CACNA2D4: variants seen among roughly 807,000 people sequenced by gnomAD.
CACNA2D4 encodes calcium voltage-gated channel auxiliary subunit alpha2delta 4, also known as voltage-dependent calcium channel subunit alpha-2/delta-4.
Under a neutral mutation model 163.8 loss-of-function variants are expected in CACNA2D4, and 157 were observed. The ratio of observed to expected loss-of-function variants is 0.96; its 90% CI spans 0.84 to 1.09. The LOEUF is 1.09. Ranked by LOEUF, CACNA2D4 falls within the 50% of genes least tolerant of loss-of-function variation. The probability of loss-of-function intolerance (pLI) is 0.00; values close to 1 mark genes in which losing one functional copy is unlikely to be tolerated. For synonymous variants in CACNA2D4, 598 were observed against 586.9 expected, an observed-to-expected ratio of 1.02 and a Z score of -0.27; for missense variants, 1,410 against 1,479.9, an observed-to-expected ratio of 0.95 and a Z score of 0.78.
intron 13 of CACNA2D4, among the ~76,000 whole-genome samples, chr12:1,880,895 G>C (rs551363193): frequency 7.9e-4 from 121 of 152,336 alleles, no homozygotes; most frequent in Middle Eastern, 3.4e-3. Flanking sequence ...GGCTCCCAGA[G>C]AGCAGCTCCC....
chr12:1,802,695 G>C lies in CACNA2D4; in HGVS notation c.2722-1051C>G, dbSNP rs919760690. On this transcript the variant is annotated intron_variant, in intron 29 of 37. Coordinates refer to ENST00000382722, the MANE Select transcript of CACNA2D4 (RefSeq NM_172364.5). The surrounding 1 kb of genome is among the most constrained non-coding windows in gnomAD (Gnocchi z 4.7). The stretch of plus-strand genomic sequence containing the variant: ...AAATACTTGAAAAATGGCAGCCATC[G>C]TTAGGAGGAGAGGTCCGGGGTCCGG... 6.6e-6 allele frequency among the ~76,000 whole-genome samples: 1 copy of C among 152,244 alleles called. No individual in the cohort carries two copies. Among genetic ancestry groups the C allele is most frequent in the Non-Finnish European group, 1.5e-5 (1 of 68,046 alleles).
Position 1,883,713 on chromosome 12 carries a change from T to C in CACNA2D4, c.1351+530A>G, listed in dbSNP as rs1449580053. ...GCCTCCCCCATGGCCCCCGGCACCC[T>C]GAACAGTCTGTGTCTCTCCACCATC... On this transcript the variant is annotated intron_variant, in intron 12 of 37. Transcript: ENST00000382722. The surrounding 1 kb of genome is among the most constrained non-coding windows in gnomAD (Gnocchi z 4.5). Among the ~76,000 whole-genome samples, 4 of 152,166 alleles carry C rather than the reference T, an allele frequency of 2.6e-5. No individual in the cohort carries two copies. In the East Asian group the frequency reaches 5.8e-4, roughly 22 times the overall value.
rs368528577 is a variant in CACNA2D4 at position 1,795,402 on chromosome 12, G to A, written c.3227-21C>T. Reference sequence around the variant, plus strand: ...ATTATGTGCAGAAGCCACTGTTAAGGTCAATATCTCAGGACCGGAGCCCAT... The same window carrying A: ...ATTATGTGCAGAAGCCACTGTTAAGATCAATATCTCAGGACCGGAGCCCAT... On this transcript the variant is annotated intron_variant, in intron 36 of 37. Coordinates refer to ENST00000382722, the MANE Select transcript of CACNA2D4 (RefSeq NM_172364.5). 2.4e-4 allele frequency: 388 copies of A among 1,603,152 alleles called. 6 individuals carry two copies. The highest frequency in any genetic ancestry group is 8.6e-4 in the South Asian group (78 of 90,232).
chr12:1,893,990 A>C (rs1866345476), intron 6 of CACNA2D4, among the ~76,000 whole-genome samples: 1 of 152,200 alleles, frequency 6.6e-6, no homozygotes, highest in South Asian at 2.1e-4. Context: ...AGATAAAACC[A>C]ATAAACTGCT....
intron 16 of CACNA2D4, among the ~76,000 whole-genome samples, chr12:1,877,406 C>T (rs759423331): frequency 1.3e-4 from 20 of 152,168 alleles, no homozygotes; most frequent in Non-Finnish European, 2.1e-4. Flanking sequence ...AGATGCTTGC[C>T]CAGCAGAGCC....
chr12:1,849,760 T>C (rs894749555), intron 23 of CACNA2D4, among the ~76,000 whole-genome samples: 2 of 152,236 alleles, frequency 1.3e-5, no homozygotes, highest in Non-Finnish European at 2.9e-5. Flanking sequence ...TACATACATA[T>C]ACGCATGTAC....
In CACNA2D4 at chr12:1,909,838, C is replaced by G. The variant is rs761869370; in HGVS notation, c.486+68G>C. 113 of 1,414,582 alleles carry G rather than the reference C, an allele frequency of 8.0e-5. No individual in the cohort carries two copies. The Middle Eastern group carries it at 1.1e-3, about 14-fold the overall frequency. 87.6% of individuals were successfully genotyped at this position (1,414,582 alleles called of 1,614,324 possible). On this transcript the variant is annotated intron_variant, in intron 4 of 37. Transcript: ENST00000382722. The stretch of plus-strand genomic sequence containing the variant: ...GCCACCCTACGCCGCCACCCTATGC[C>G]GCCACCCCCATATCTGGTACTCAGG...
Position 1,834,969 on chromosome 12 carries a change from T to C in CACNA2D4, c.2551+5770A>G. 1.6e-6 allele frequency: 1 copy of C among 639,440 alleles called. No individual in the cohort carries two copies. Among genetic ancestry groups the C allele is most frequent in the Non-Finnish European group, 2.5e-6 (1 of 397,250 alleles). The allele number at this position is 639,440 out of a possible 1,614,324, so 39.6% of individuals were successfully genotyped here. On this transcript the variant is annotated intron_variant, in intron 26 of 37. Transcript: ENST00000382722. The surrounding 1 kb of genome is among the most constrained non-coding windows in gnomAD (Gnocchi z 7.6). ...AAATCTTTGGAACATGTGGGGGATC[T>C]CCCTAAGCTCTGGCCACAGCAAAGC...
chr12:1,914,712 C>T, intron 2 of CACNA2D4, 142 bp downstream of exon 2: 1 of 630,960 alleles, frequency 1.6e-6, no homozygotes, highest in Non-Finnish European at 2.9e-6. Context: ...AAATCATTCA[C>T]CTCCCTGGGC....
chr12:1,893,635 A>T (rs1192636967), intron 6 of CACNA2D4, among the ~76,000 whole-genome samples: 1 of 152,184 alleles, frequency 6.6e-6, no homozygotes, highest in Non-Finnish European at 1.5e-5. Flanking sequence ...ATACATGAAA[A>T]TTAAGCAACA....
chr12:1,864,317 GAAGCACT>G (rs1865593947), intron 18 of CACNA2D4, among the ~76,000 whole-genome samples: 1 of 152,174 alleles, frequency 6.6e-6, no homozygotes, highest in Non-Finnish European at 1.5e-5. Flanking sequence ...CCAATGTTGA[GAAGCACT>G]ACCACCGTCC....
chr12:1,813,649 T>G (rs139156348), intron 26 of CACNA2D4, among the ~76,000 whole-genome samples: 2 of 152,308 alleles, frequency 1.3e-5, no homozygotes, highest in Non-Finnish European at 2.9e-5. Flanking sequence ...GTACCTCCCC[T>G]CCCTTGGAGT....
chr12:1,862,083 C>T (rs761104750), intron 18 of CACNA2D4, among the ~76,000 whole-genome samples: 1 of 152,206 alleles, frequency 6.6e-6, no homozygotes, highest in African/African-American at 2.4e-5. Context: ...TGAGTAGTAT[C>T]GCAGTGTGTG....
At chr12:1,807,136 A>G (rs1863565551) in intron 29 of CACNA2D4, among the ~76,000 whole-genome samples, 1 of 151,922 alleles carries the variant, frequency 6.6e-6, no homozygotes, top group African/African-American at 2.4e-5. Context: ...TCAGGTTTCA[A>G]AAGACTGTGA....
intron 26 of CACNA2D4, among the ~76,000 whole-genome samples, chr12:1,822,952 C>G (rs375794774): frequency 3.9e-5 from 6 of 152,340 alleles, no homozygotes; most frequent in African/African-American, 7.2e-5. Flanking sequence ...AAGGGCACGG[C>G]CCCTGCAGGC....
At chr12:1,794,101 C>T (rs894400170) in intron 37 of CACNA2D4, among the ~76,000 whole-genome samples, 2 of 152,142 alleles carry the variant, frequency 1.3e-5, no homozygotes, top group African/African-American at 4.8e-5. Context: ...GGGCCTGACA[C>T]CTGGGTCTGG....
chr12:1,908,168 C>G, intron 4 of CACNA2D4, 131 bp from the exon 5 acceptor site: 2 of 917,414 alleles, frequency 2.2e-6, no homozygotes, highest in Non-Finnish European at 3.3e-6. Flanking sequence ...TACACAAGCA[C>G]CCGCGGCGGC....
At chr12:1,814,448 C>T (rs978787448) in intron 26 of CACNA2D4, among the ~76,000 whole-genome samples, 6 of 152,294 alleles carry the variant, frequency 3.9e-5, no homozygotes, top group African/African-American at 7.2e-5. Context: ...GGTCACAGAG[C>T]GCTAATGAGT....
At chr12:1,872,412 G>A (rs187748707) in intron 18 of CACNA2D4, among the ~76,000 whole-genome samples, 22 of 152,334 alleles carry the variant, frequency 1.4e-4, no homozygotes, top group East Asian at 1.9e-4. Context: ...CACGGCAGGC[G>A]GTCCTGTACC....
Sources: gnomAD v4.1 joint callset for allele counts (sites outside exome capture counted in the v4.1 genomes callset) on GRCh38, gnomAD v4.1.1 for gene constraint, Gnocchi (gnomAD v3.1) non-coding constraint, MANE v1.5 for transcripts, NCBI Gene and HGNC (gene_info 2026-07-23, HGNC 2026-07-21) for gene names.